SNCAIP: variants seen among roughly 807,000 people sequenced by gnomAD.
The protein encoded by SNCAIP is synphilin-1.
Under a neutral mutation model 86.7 loss-of-function variants are expected in SNCAIP, and 43 were observed. The observed-to-expected ratio is 0.50, with a 90% CI of 0.39 to 0.64. SNCAIP has a LOEUF of 0.64. SNCAIP is among the 30% of genes least tolerant of loss of function. The pLI is 0.00. For missense variants in SNCAIP, 981 were observed against 1,103.1 expected, an observed-to-expected ratio of 0.89 and a Z score of 1.57; for synonymous variants, 417 against 427.2, an observed-to-expected ratio of 0.98 and a Z score of 0.29.
At chr5:122,419,316 A>T (rs1452984735) in intron 3 of SNCAIP, among the ~76,000 whole-genome samples, 1 of 152,184 alleles carries the variant, frequency 6.6e-6, no homozygotes, top group Non-Finnish European at 1.5e-5. Context: ...TGTTTGTTCA[A>T]TCAATAGATG....
At chr5:122,315,539 T>C (rs566208836) in intron 1 of SNCAIP, among the ~76,000 whole-genome samples, 5 of 152,282 alleles carry the variant, frequency 3.3e-5, no homozygotes, top group South Asian at 4.1e-4. Flanking sequence ...TTAGAGCCAG[T>C]TTTTGTGATC....
intron 1 of SNCAIP, among the ~76,000 whole-genome samples, chr5:122,384,907 G>A (rs903249072): frequency 6.6e-6 from 1 of 152,130 alleles, no homozygotes; most frequent in African/African-American, 2.4e-5. Context: ...CCGCTTTGTA[G>A]AAGCAAAAAT....
intron 8 of SNCAIP, among the ~76,000 whole-genome samples, chr5:122,449,390 A>G (rs1783225520): frequency 6.6e-6 from 1 of 152,216 alleles, no homozygotes; most frequent in South Asian, 2.1e-4. Flanking sequence ...CAGAGATTGT[A>G]TGCTGCAAAT....
chr5:122,404,421 C>T (rs1027607034), intron 3 of SNCAIP, among the ~76,000 whole-genome samples: 2 of 151,964 alleles, frequency 1.3e-5, no homozygotes, highest in Non-Finnish European at 2.9e-5. Context: ...GCTGGTCGAC[C>T]TTTTCTCTTT....
At position 122,463,498 on chromosome 5, in the gene SNCAIP, G is replaced by C. The variant is rs116153471; in HGVS notation, c.*2G>C. 3.0e-4 allele frequency: 476 copies of C among 1,597,508 alleles called. 1 individual carries two copies. In the African/African-American group the frequency reaches 6.0e-3, roughly 20 times the overall value. On this transcript the variant is annotated 3_prime_UTR_variant, in exon 11 of 11. Transcript: ENST00000261368. Reference sequence around the variant, plus strand: ...GGTTTCTCTTCTGCTTAGGCATAATGACATCAATAGAAAAATGAAGAAATC... The same window carrying C: ...GGTTTCTCTTCTGCTTAGGCATAATCACATCAATAGAAAAATGAAGAAATC...
intron 3 of SNCAIP, among the ~76,000 whole-genome samples, chr5:122,411,022 A>G (rs867049919): frequency 6.6e-6 from 1 of 152,208 alleles, no homozygotes; most frequent in Admixed American, 6.5e-5. Flanking sequence ...TTTGAGGGAA[A>G]GAAAACTTAC....
chr5:122,415,477 C>A (rs1266113325), intron 3 of SNCAIP, among the ~76,000 whole-genome samples: 1 of 152,160 alleles, frequency 6.6e-6, no homozygotes, highest in Non-Finnish European at 1.5e-5. Context: ...ACCCCATTTT[C>A]TTTGTTGTCT....
Position 122,450,693 on chromosome 5 carries a change from T to A in SNCAIP, c.1846T>A (p.Ser616Thr). Reference protein sequence around the residue: ...RARPKAKDEDSDKILRQLLGK... With the variant: ...RARPKAKDEDTDKILRQLLGK... The stretch of plus-strand genomic sequence containing the variant: ...TAGACCCAAAGCAAAAGATGAAGAT[T>A]CTGATAAAATCTTACGCCAGTTATT... The change falls in exon 10 of 11, where the codon TCT becomes ACT. Residue 616 changes from serine to threonine, a missense_variant. Transcript: ENST00000261368. 6.2e-7 allele frequency: 1 copy of A among 1,614,194 alleles called. No individual in the cohort carries two copies. The highest frequency in any genetic ancestry group is 8.5e-7 in the Non-Finnish European group (1 of 1,180,028).
intron 1 of SNCAIP, chr5:122,383,639 A>T (rs1315707120): frequency 6.6e-6 from 1 of 152,192 alleles, no homozygotes; most frequent in Non-Finnish European, 1.5e-5. Context: ...CAAGCTCTCA[A>T]GTTCAGGTAT....
rs367747520 is a variant in SNCAIP at position 122,444,637 on chromosome 5, G to T, written c.1497G>T (p.Arg499=). 3.1e-6 allele frequency: 5 copies of T among 1,614,042 alleles called. No homozygotes were observed. Among genetic ancestry groups the T allele is most frequent in the African/African-American group, 2.7e-5 (2 of 75,046 alleles). The stretch of plus-strand genomic sequence containing the variant: ...AAAAGCCCTCCCAGAGCGCCGAGCG[G>T]CAGGGGCACACCCTGTGCTCCAGGT... ...AGEKPSQSAE[R]QGHTLCSRYL... is the part of the protein sequence containing the mutation. The change falls in exon 8 of 11, where the codon CGG becomes CGT. Residue 499 remains arginine (R), a synonymous_variant. Coordinates refer to ENST00000261368, the MANE Select transcript of SNCAIP (RefSeq NM_005460.4).
chr5:122,339,017 GTACA>G (rs1258315862), intron 1 of SNCAIP, among the ~76,000 whole-genome samples: 2 of 152,152 alleles, frequency 1.3e-5, no homozygotes, highest in African/African-American at 4.8e-5. Context: ...AAAGTTACGT[GTACA>G]AAGGCAGGAA....
intron 2 of SNCAIP, chr5:122,400,866 A>C: frequency 9.6e-7 from 1 of 1,036,508 alleles, no homozygotes; most frequent in Non-Finnish European, 1.3e-6. Context: ...TTAGATCAAA[A>C]GTCTATGTTC....
intron 1 of SNCAIP, 104 bp downstream of exon 1, chr5:122,312,388 C>G (rs543619278): frequency 1.3e-5 from 2 of 152,368 alleles, no homozygotes; most frequent in Non-Finnish European, 1.5e-5. Context: ...GGTGTCGCCC[C>G]GTGCTCCCCA....
intron 6 of SNCAIP, among the ~76,000 whole-genome samples, chr5:122,437,979 AT>A (rs568548692): frequency 3.9e-5 from 6 of 152,236 alleles, no homozygotes; most frequent in South Asian, 2.1e-4. Flanking sequence ...AATAAAGGGC[AT>A]TTTTTTGTGT....
At chr5:122,314,530 T>C (rs1004002041) in intron 1 of SNCAIP, among the ~76,000 whole-genome samples, 5 of 152,248 alleles carry the variant, frequency 3.3e-5, no homozygotes, top group African/African-American at 1.2e-4. Flanking sequence ...AATGATATCC[T>C]GGTGAAAATC....
intron 1 of SNCAIP, among the ~76,000 whole-genome samples, chr5:122,367,715 T>G (rs538879515): frequency 1.2e-4 from 19 of 152,138 alleles, no homozygotes; most frequent in African/African-American, 4.6e-4. Context: ...CACTTTCCCG[T>G]TTCAAGCAGA....
Position 122,351,536 on chromosome 5 carries a change from C to CAAAAAAAAAAAAA in SNCAIP, c.-47+39270_-47+39282dup, listed in dbSNP as rs541191012. 4.7e-3 allele frequency among the ~76,000 whole-genome samples: 171 copies of CAAAAAAAAAAAAA among 36,510 alleles called. 27 individuals carry two copies. Among genetic ancestry groups the CAAAAAAAAAAAAA allele is most frequent in the East Asian group, 0.014 (14 of 982 alleles). The allele number at this position is 36,510 out of a possible 152,430, so 24.0% of individuals were successfully genotyped here. On this transcript the variant is annotated intron_variant, in intron 1 of 10. Transcript: ENST00000261368. ...TGGGCAACAGAGTGAGACTCTGTAT[C>CAAAAAAAAAAAAA]AAAAAAAAAAAAAAAAAAAAAAAAA...
intron 1 of SNCAIP, among the ~76,000 whole-genome samples, chr5:122,330,027 G>GA (rs1754929425): frequency 1.3e-5 from 2 of 150,944 alleles, no homozygotes; most frequent in Admixed American, 1.3e-4. Flanking sequence ...AGGATTAAAT[G>GA]AAAAAACAGA....
At chr5:122,337,881 G>A (rs1756818794) in intron 1 of SNCAIP, among the ~76,000 whole-genome samples, 1 of 152,160 alleles carries the variant, frequency 6.6e-6, no homozygotes, top group Non-Finnish European at 1.5e-5. Flanking sequence ...AATAGAAAAG[G>A]TTCTCTTGTT....
Sources: gnomAD v4.1 joint callset for allele counts (sites outside exome capture counted in the v4.1 genomes callset) on GRCh38, gnomAD v4.1.1 for gene constraint, MANE v1.5 for transcripts, NCBI Gene and HGNC (gene_info 2026-07-23, HGNC 2026-07-21) for gene names.